Variants in RGS6 observed in about 807,000 individuals in gnomAD.
RGS6 encodes the protein regulator of G protein signaling 6.
A neutral mutation model predicts 78.5 loss-of-function variants in RGS6; 30 were observed. The observed-to-expected ratio is 0.38, with a 90% CI of 0.29 to 0.52. RGS6 has a LOEUF of 0.52. Among genes scored for constraint, RGS6 ranks in the 20% least tolerant of loss-of-function variants. The probability of loss-of-function intolerance (pLI) is 0.85; values close to 1 mark genes in which losing one functional copy is unlikely to be tolerated. For synonymous variants in RGS6, 206 were observed against 206.0 expected, an observed-to-expected ratio of 1.00 and a Z score of 0.00; for missense variants, 495 against 609.7, an observed-to-expected ratio of 0.81 and a Z score of 1.98.
chr14:72,379,204 T>C (rs1596461222), intron 3 of RGS6, among the ~76,000 whole-genome samples: 1 of 152,086 alleles, frequency 6.6e-6, no homozygotes, highest in Non-Finnish European at 1.5e-5. Context: ...AGGCCACATA[T>C]GATAAACCCA....
At chr14:71,984,707 C>T (rs928885861) in intron 2 of RGS6, among the ~76,000 whole-genome samples, 7 of 152,148 alleles carry the variant, frequency 4.6e-5, no homozygotes, top group South Asian at 2.1e-4. Context: ...ATATAAGATA[C>T]GTGCTTTATA....
At chr14:72,377,660 A>C (rs2085095906) in intron 3 of RGS6, among the ~76,000 whole-genome samples, 1 of 152,194 alleles carries the variant, frequency 6.6e-6, no homozygotes, top group African/African-American at 2.4e-5. Flanking sequence ...GACACAAAAC[A>C]AATCTCAAAA....
intron 2 of RGS6, among the ~76,000 whole-genome samples, chr14:72,264,784 A>G (rs755876439): frequency 1.8e-4 from 27 of 152,174 alleles, no homozygotes; most frequent in Non-Finnish European, 3.2e-4. Flanking sequence ...GGCAGAATCG[A>G]TTCTAGTTTT....
the RGS6 span, among the ~76,000 whole-genome samples, chr14:71,901,149 C>A: frequency 6.7e-4 from 34 of 50,492 alleles, no homozygotes; most frequent in African/African-American, 2.6e-3. Context: ...ATATATCTTT[C>A]TCAAAGTGAG....
intron 1 of RGS6, among the ~76,000 whole-genome samples, chr14:71,953,848 A>G (rs2092556865): frequency 6.6e-6 from 1 of 150,798 alleles, no homozygotes; most frequent in Non-Finnish European, 1.5e-5. Flanking sequence ...TTCTTTTTGC[A>G]TTTCTTGCAT....
At chr14:71,990,679 T>C (rs1208778423) in intron 2 of RGS6, 1 of 456,078 alleles carries the variant, frequency 2.2e-6, no homozygotes, top group South Asian at 1.5e-5. Flanking sequence ...CTTTGGCCCA[T>C]TCTTTTCTGT....
At chr14:72,202,248 C>A (rs529615799) in intron 2 of RGS6, among the ~76,000 whole-genome samples, 1 of 152,122 alleles carries the variant, frequency 6.6e-6, no homozygotes, top group South Asian at 2.1e-4. Flanking sequence ...TTCTCCAAAT[C>A]GCTGAGACCA....
the RGS6 span, among the ~76,000 whole-genome samples, chr14:71,873,584 C>G: frequency 6.6e-6 from 1 of 152,102 alleles, no homozygotes; most frequent in African/African-American, 2.4e-5. Flanking sequence ...TTCTCCCATT[C>G]TGTATATTGC....
At chr14:72,409,387 T>C (rs1050009898) in intron 3 of RGS6, among the ~76,000 whole-genome samples, 3 of 152,176 alleles carry the variant, frequency 2.0e-5, no homozygotes, top group African/African-American at 7.2e-5. Context: ...AGAGGTTAGT[T>C]GGAGGTTTCT....
At chr14:72,005,588 C>A (rs1230972224) in intron 2 of RGS6, among the ~76,000 whole-genome samples, 1 of 152,108 alleles carries the variant, frequency 6.6e-6, no homozygotes, top group East Asian at 1.9e-4. Context: ...TTATACTTTA[C>A]AGATTTTTAT....
chr14:72,522,458 G>A (rs1374409629), intron 15 of RGS6, among the ~76,000 whole-genome samples: 1 of 152,086 alleles, frequency 6.6e-6, no homozygotes, highest in African/African-American at 2.4e-5. Flanking sequence ...CTAAAACAGG[G>A]GTCAGTTAAA....
At chr14:72,375,207 A>G (rs2084392702) in intron 3 of RGS6, among the ~76,000 whole-genome samples, 2 of 152,178 alleles carry the variant, frequency 1.3e-5, no homozygotes, top group Non-Finnish European at 2.9e-5. Flanking sequence ...TGTCTTTATT[A>G]TTTCCTTCCA....
intron 2 of RGS6, chr14:71,990,667 A>G (rs2094917272): frequency 2.2e-6 from 1 of 455,836 alleles, no homozygotes. Flanking sequence ...CACCCCGTGA[A>G]ACTTTGGCCC....
At chr14:72,325,844 A>C (rs191502751) in intron 2 of RGS6, among the ~76,000 whole-genome samples, 7 of 152,326 alleles carry the variant, frequency 4.6e-5, no homozygotes, top group African/African-American at 1.7e-4. Context: ...ATTTAAAAAA[A>C]AAAGCCTGCC....
chr14:72,407,281 T>C (rs1338925397), intron 3 of RGS6, among the ~76,000 whole-genome samples: 1 of 152,218 alleles, frequency 6.6e-6, no homozygotes, highest in Admixed American at 6.5e-5. Flanking sequence ...ATGATCCTCA[T>C]AGCTACATCA....
intron 2 of RGS6, among the ~76,000 whole-genome samples, chr14:72,109,128 T>A (rs1375939937): frequency 6.6e-6 from 1 of 152,072 alleles, no homozygotes; most frequent in Non-Finnish European, 1.5e-5. Context: ...GTTACCTGAA[T>A]CTTCTCTTTT....
At chr14:72,260,587 T>C (rs2057979562) in intron 2 of RGS6, among the ~76,000 whole-genome samples, 1 of 152,022 alleles carries the variant, frequency 6.6e-6, no homozygotes, top group African/African-American at 2.4e-5. Flanking sequence ...CCCATTGCCG[T>C]GGAGAGAAGA....
intron 3 of RGS6, among the ~76,000 whole-genome samples, chr14:72,416,329 A>C (rs996720593): frequency 9.9e-5 from 15 of 152,160 alleles, no homozygotes; most frequent in African/African-American, 3.6e-4. Context: ...CCCTGACAAA[A>C]GTTAATAAAG....
chr14:72,117,804 G>A (rs1350475996), intron 2 of RGS6, among the ~76,000 whole-genome samples: 1 of 152,146 alleles, frequency 6.6e-6, no homozygotes, highest in Non-Finnish European at 1.5e-5. Context: ...TGTGGTGGAT[G>A]CACAAACAGC....
Sources: allele counts gnomAD v4.1 joint callset (sites outside exome capture counted in the v4.1 genomes callset), GRCh38; gene constraint gnomAD v4.1.1; transcripts MANE v1.5; gene names NCBI Gene and HGNC (gene_info 2026-07-23, HGNC 2026-07-21).